AGTPBP1: variants seen among roughly 807,000 people sequenced by gnomAD.
AGTPBP1 encodes the protein cytosolic carboxypeptidase 1.
In AGTPBP1, 70 loss-of-function variants were observed where a neutral mutation model predicts 143.9. The observed-to-expected ratio is 0.49, with a 90% CI of 0.40 to 0.59. The LOEUF is 0.59. Ranked by LOEUF, AGTPBP1 falls within the 20% of genes least tolerant of loss-of-function variation. The probability of loss-of-function intolerance (pLI) is 0.00; values close to 1 mark genes in which losing one functional copy is unlikely to be tolerated. For missense variants in AGTPBP1, 1,229 were observed against 1,464.5 expected, an observed-to-expected ratio of 0.84 and a Z score of 2.62; for synonymous variants, 463 against 500.2, an observed-to-expected ratio of 0.93 and a Z score of 0.99.
At position 85,612,219 on chromosome 9, in the gene AGTPBP1, T is replaced by A. The variant is rs76249291; in HGVS notation, c.2335+6764A>T. ...AGGCAGCTCTTGGTGTACTCTTTGA[T>A]GGGGATTGGTCACCAAAAAGACCAA... is the stretch of plus-strand genomic sequence containing the variant. On this transcript the variant is annotated intron_variant, in intron 17 of 25. Coordinates refer to ENST00000357081, the MANE Select transcript of AGTPBP1 (RefSeq NM_001330701.2). Among the ~76,000 whole-genome samples, 1,359 of 152,258 alleles carry A rather than the reference T, an allele frequency of 8.9e-3. 13 individuals are homozygous for A. The highest frequency in any genetic ancestry group is 0.017 in the South Asian group (84 of 4,826).
At chr9:85,619,370 A>G (rs568651204) in intron 15 of AGTPBP1, 69 bp from the exon 16 acceptor site, 2 of 1,122,428 alleles carry the variant, frequency 1.8e-6, no homozygotes, top group South Asian at 2.9e-5. Context: ...AAAAGTAAAT[A>G]AAATTATAAT....
chr9:85,604,942 A>G (rs895425692), intron 17 of AGTPBP1, among the ~76,000 whole-genome samples: 3 of 152,172 alleles, frequency 2.0e-5, no homozygotes, highest in African/African-American at 7.2e-5. Context: ...AGAGAAGACA[A>G]AAGAAAAAAA....
the AGTPBP1 span, among the ~76,000 whole-genome samples, chr9:85,795,151 T>C: frequency 1.3e-5 from 2 of 152,214 alleles, no homozygotes; most frequent in Non-Finnish European, 2.9e-5. Flanking sequence ...GAATTGTTTC[T>C]ATTTTATTTC....
At chr9:85,735,487 C>T (rs1324663933) in intron 1 of AGTPBP1, among the ~76,000 whole-genome samples, 9 of 152,182 alleles carry the variant, frequency 5.9e-5, no homozygotes, top group Non-Finnish European at 1.2e-4. Context: ...TGTGAATATA[C>T]TTGATGCCAC....
intron 15 of AGTPBP1, among the ~76,000 whole-genome samples, chr9:85,620,748 A>G (rs2133549910): frequency 6.6e-6 from 1 of 152,308 alleles, no homozygotes; most frequent in Admixed American, 6.5e-5. Context: ...GCAGTAAGAG[A>G]CAACAGGGTG....
At chr9:85,726,530 T>C (rs1838506585) in intron 1 of AGTPBP1, among the ~76,000 whole-genome samples, 1 of 152,220 alleles carries the variant, frequency 6.6e-6, no homozygotes, top group Admixed American at 6.5e-5. Context: ...AAGAACTGTA[T>C]CTAGTGAGTC....
At chr9:85,560,553 G>A (rs1236663667) in intron 25 of AGTPBP1, among the ~76,000 whole-genome samples, 1 of 152,058 alleles carries the variant, frequency 6.6e-6, no homozygotes, top group African/African-American at 2.4e-5. Context: ...CTTCCCAAAT[G>A]CTGGCTTATG....
the AGTPBP1 span, among the ~76,000 whole-genome samples, chr9:85,756,791 T>C: frequency 1.3e-5 from 2 of 152,294 alleles, no homozygotes; most frequent in East Asian, 3.9e-4. Context: ...TGATACATGC[T>C]ACAACATGGA....
chr9:85,594,382 G>T (rs1407674845), intron 18 of AGTPBP1, among the ~76,000 whole-genome samples: 2 of 152,106 alleles, frequency 1.3e-5, no homozygotes, highest in South Asian at 2.1e-4. Context: ...ACTTTGGGAG[G>T]CTGAGGCAGA....
At chr9:85,630,413 T>C (rs1564081714) in intron 14 of AGTPBP1, among the ~76,000 whole-genome samples, 2 of 152,028 alleles carry the variant, frequency 1.3e-5, no homozygotes, top group East Asian at 3.9e-4. Flanking sequence ...GTTATTTATT[T>C]ATTGAGACAG....
At chr9:85,586,281 A>C (rs1404533952) in intron 22 of AGTPBP1, among the ~76,000 whole-genome samples, 1 of 152,184 alleles carries the variant, frequency 6.6e-6, no homozygotes, top group East Asian at 1.9e-4. Context: ...ACCATTAAGA[A>C]GGGTATGGTT....
At chr9:85,604,670 T>C (rs1325251204) in intron 17 of AGTPBP1, among the ~76,000 whole-genome samples, 3 of 152,058 alleles carry the variant, frequency 2.0e-5, no homozygotes, top group Admixed American at 6.6e-5. Flanking sequence ...AACAGAAATA[T>C]GTGATCTTTC....
At position 85,741,418 on chromosome 9, in the gene AGTPBP1, G is replaced by GC. The variant is rs931446146; in HGVS notation, c.-34+356dup. On this transcript the variant is annotated intron_variant, in intron 1 of 25. Transcript: ENST00000357081. ...GCCCCTCGGCTGGACTCCCCGCGGC[G>GC]CCGCGAGCTCGGGCCCGAGAGAAAG... The GC allele has an allele frequency of 1.0e-5, 10 of 985,092 alleles. No homozygotes were observed. In the African/African-American group the frequency reaches 1.6e-4, roughly 16 times the overall value. The allele number at this position is 985,092 out of a possible 1,614,324, so 61.0% of individuals were successfully genotyped here.
chr9:85,745,199 C>T (rs1411270715), upstream of AGTPBP1, among the ~76,000 whole-genome samples: 1 of 152,158 alleles, frequency 6.6e-6, no homozygotes, highest in African/African-American at 2.4e-5. Flanking sequence ...AGGTAACGTA[C>T]AAAATGCAAC....
chr9:85,731,725 CA>C (rs1838892912), intron 1 of AGTPBP1, among the ~76,000 whole-genome samples: 1 of 152,152 alleles, frequency 6.6e-6, no homozygotes. Flanking sequence ...ACTGAGATTA[CA>C]GGCATGAGCC....
chr9:85,632,617 T>C, intron 14 of AGTPBP1, 45 bp downstream of exon 14: 1 of 1,487,182 alleles, frequency 6.7e-7, no homozygotes, highest in Non-Finnish European at 9.0e-7. Context: ...GCCTCATATC[T>C]TGACAATAGC....
the AGTPBP1 span, among the ~76,000 whole-genome samples, chr9:85,748,997 CTTTTTTTTTT>C: frequency 1.0e-5 from 1 of 95,466 alleles, no homozygotes; most frequent in African/African-American, 4.8e-5. Context: ...ATCTAGTGCA[CTTTTTTTTTT>C]TTTTTTTTTT....
At chr9:85,779,248 T>G in the AGTPBP1 span, among the ~76,000 whole-genome samples, 1,195 of 139,528 alleles carry the variant, frequency 8.6e-3, 22 homozygotes, top group African/African-American at 0.029. Context: ...TATAGATATC[T>G]ATATAAATAT....
chr9:85,678,156 G>A lies in AGTPBP1; in HGVS notation c.289+179C>T, dbSNP rs531305172. 5.3e-5 allele frequency among the ~76,000 whole-genome samples: 8 copies of A among 152,274 alleles called. 1 individual carries two copies. Among genetic ancestry groups the A allele is most frequent in the Admixed American group, 2.0e-4 (3 of 15,286 alleles). ...TACATGGCTATGGGGTAGTCTGAGG[G>A]ATACTTGAAAAGATACCAAAAATAA... On this transcript the variant is annotated intron_variant, in intron 5 of 25. Transcript: ENST00000357081.
Sources: allele counts gnomAD v4.1 joint callset (sites outside exome capture counted in the v4.1 genomes callset), GRCh38; gene constraint gnomAD v4.1.1; transcripts MANE v1.5; gene names NCBI Gene and HGNC (gene_info 2026-07-23, HGNC 2026-07-21).